The following LRRTM4 variants were observed in gnomAD, a reference collection of about 807,000 sequenced individuals.
The protein encoded by LRRTM4 is leucine rich repeat transmembrane neuronal 4.
In LRRTM4, 25 loss-of-function variants were observed where a neutral mutation model predicts 47.6. The observed-to-expected ratio is 0.53, with a 90% CI of 0.38 to 0.73. The LOEUF is 0.73. LRRTM4 is among the 30% of genes least tolerant of loss of function. The probability of loss-of-function intolerance (pLI) is 0.00; values close to 1 mark genes in which losing one functional copy is unlikely to be tolerated. For synonymous variants in LRRTM4, 311 were observed against 269.5 expected (o/e 1.15, Z -1.51); for missense variants, 638 against 713.4 (o/e 0.89, Z 1.20).
At chr2:76,873,529 T>TATATATATGTATATATAG (rs1391487040) in intron 3 of LRRTM4, among the ~76,000 whole-genome samples, 1 of 145,924 alleles carries the variant, frequency 6.9e-6, no homozygotes, top group Non-Finnish European at 1.5e-5. Context: ...TATATATATA[T>TATATATATGTATATATAG]ATATACAACA....
At chr2:77,280,475 C>A (rs970572916) in intron 3 of LRRTM4, among the ~76,000 whole-genome samples, 31 of 151,986 alleles carry the variant, frequency 2.0e-4, no homozygotes. Flanking sequence ...CTCAGAATAT[C>A]TTCTATTACT....
intron 3 of LRRTM4, among the ~76,000 whole-genome samples, chr2:77,268,665 A>G (rs1444583133): frequency 6.6e-6 from 1 of 152,184 alleles, no homozygotes; most frequent in African/African-American, 2.4e-5. Context: ...CTGATATACA[A>G]TAGTTGTACT....
intron 3 of LRRTM4, among the ~76,000 whole-genome samples, chr2:76,793,802 A>G (rs1573113541): frequency 6.6e-6 from 1 of 152,186 alleles, no homozygotes; most frequent in Non-Finnish European, 1.5e-5. Context: ...CTGATTTCAG[A>G]TAAAACTCAG....
chr2:76,900,078 A>C (rs1377159543), intron 3 of LRRTM4, among the ~76,000 whole-genome samples: 3 of 152,060 alleles, frequency 2.0e-5, no homozygotes, highest in African/African-American at 7.2e-5. Flanking sequence ...AAAATACAAA[A>C]GTTAGTCAGG....
At chr2:77,056,699 G>T (rs555197360) in intron 3 of LRRTM4, among the ~76,000 whole-genome samples, 1 of 152,112 alleles carries the variant, frequency 6.6e-6, no homozygotes, top group Non-Finnish European at 1.5e-5. Context: ...ATGTACCTGG[G>T]TATATTCTTG....
chr2:77,422,528 C>T (rs1249721512), intron 3 of LRRTM4, among the ~76,000 whole-genome samples: 3 of 152,128 alleles, frequency 2.0e-5, no homozygotes, highest in African/African-American at 7.2e-5. Context: ...TGTGACACAT[C>T]AACCATTTGC....
At chr2:77,511,408 C>T (rs189450263) in intron 3 of LRRTM4, among the ~76,000 whole-genome samples, 364 of 151,846 alleles carry the variant, frequency 2.4e-3, no homozygotes, top group African/African-American at 7.5e-3. Context: ...TTCAAAGTTA[C>T]TGTGATATTT....
rs545052354 is a variant in LRRTM4, at chr2:77,368,707, A to G, written c.1551+149611T>C. On this transcript the variant is annotated intron_variant, in intron 3 of 3. Coordinates refer to ENST00000409884, the MANE Select transcript of LRRTM4 (RefSeq NM_001134745.3). ...AATAAGGAATGGCTCTTGGTTAGTT[A>G]CAGTCTTACTCCATTGTGGTCCAAA... Among the ~76,000 whole-genome samples the G allele has an allele frequency of 2.6e-5, 4 of 151,916 alleles. No individual in the cohort carries two copies. In the South Asian group the frequency reaches 8.3e-4, roughly 31 times the overall value.
At chr2:76,958,772 C>A (rs1005483725) in intron 3 of LRRTM4, among the ~76,000 whole-genome samples, 2 of 151,674 alleles carry the variant, frequency 1.3e-5, no homozygotes, top group African/African-American at 2.4e-5. Context: ...ATTAGAATTA[C>A]CATAAAGTGT....
At chr2:76,760,167 C>A (rs1034889873) in intron 3 of LRRTM4, among the ~76,000 whole-genome samples, 1 of 152,106 alleles carries the variant, frequency 6.6e-6, no homozygotes, top group African/African-American at 2.4e-5. Flanking sequence ...TCTGTACGAT[C>A]TCCCACCCAT....
chr2:76,906,442 C>T (rs996146960), intron 3 of LRRTM4, among the ~76,000 whole-genome samples: 5 of 151,646 alleles, frequency 3.3e-5, no homozygotes, highest in East Asian at 1.9e-4. Flanking sequence ...CATCAACTAA[C>T]GAGCAAAATA....
At chr2:77,298,576 C>G (rs1432379817) in intron 3 of LRRTM4, among the ~76,000 whole-genome samples, 1 of 152,174 alleles carries the variant, frequency 6.6e-6, no homozygotes, top group Non-Finnish European at 1.5e-5. Context: ...AAATCACTCT[C>G]TCTTTTAAAT....
intron 3 of LRRTM4, among the ~76,000 whole-genome samples, chr2:77,198,409 T>C (rs1272015175): frequency 6.6e-6 from 1 of 152,164 alleles, no homozygotes; most frequent in Non-Finnish European, 1.5e-5. Flanking sequence ...CATTAGACAA[T>C]GTTATTGGCT....
intron 3 of LRRTM4, among the ~76,000 whole-genome samples, chr2:77,426,145 T>G (rs1558737892): frequency 6.6e-6 from 1 of 151,410 alleles, no homozygotes; most frequent in Non-Finnish European, 1.5e-5. Flanking sequence ...ATCCCTGATA[T>G]CCATCTCCCT....
chr2:77,347,188 G>A lies in LRRTM4; in HGVS notation c.1551+171130C>T, dbSNP rs182069262. ...GGCTAAACCTTAAAGCGATAGTTTT[G>A]ACAGACTTCCCGTCACTACGGCCTC... On this transcript the variant is annotated intron_variant, in intron 3 of 3. Coordinates refer to ENST00000409884, the MANE Select transcript of LRRTM4 (RefSeq NM_001134745.3). Among the ~76,000 whole-genome samples the A allele has an allele frequency of 1.1e-4, 16 of 152,298 alleles. No individual in the cohort carries two copies. In the East Asian group the frequency reaches 3.1e-3, roughly 29 times the overall value.
chr2:77,001,059 A>C (rs1677407093), intron 3 of LRRTM4, among the ~76,000 whole-genome samples: 3 of 152,170 alleles, frequency 2.0e-5, no homozygotes, highest in African/African-American at 7.2e-5. Flanking sequence ...GGATACAAAA[A>C]TGTGTTCAGT....
At chr2:77,382,347 C>G (rs1424753061) in intron 3 of LRRTM4, among the ~76,000 whole-genome samples, 1 of 151,978 alleles carries the variant, frequency 6.6e-6, no homozygotes, top group Non-Finnish European at 1.5e-5. Flanking sequence ...TCCCAGAAAC[C>G]CTGCGCTTGT....
intron 3 of LRRTM4, among the ~76,000 whole-genome samples, chr2:76,980,077 A>C (rs1194261629): frequency 6.6e-6 from 1 of 152,086 alleles, no homozygotes; most frequent in Non-Finnish European, 1.5e-5. Flanking sequence ...AGATCAGACT[A>C]TCTCTACATA....
intron 3 of LRRTM4, among the ~76,000 whole-genome samples, chr2:76,902,520 T>C (rs1673673855): frequency 6.6e-6 from 1 of 152,182 alleles, no homozygotes; most frequent in Admixed American, 6.5e-5. Flanking sequence ...ATGACCTTGA[T>C]GATGGATCTG....
Sources: allele counts gnomAD v4.1 joint callset (sites outside exome capture counted in the v4.1 genomes callset), GRCh38; gene constraint gnomAD v4.1.1; transcripts MANE v1.5; gene names NCBI Gene and HGNC (gene_info 2026-07-23, HGNC 2026-07-21).